Variants in IFT81 observed in about 807,000 individuals in gnomAD.
IFT81 encodes intraflagellar transport 81.
IFT81 carries 72 observed loss-of-function variants against 102.6 expected under a neutral mutation model. That is an observed-to-expected ratio of 0.70 (90% confidence interval 0.58 to 0.85). The LOEUF is 0.85. IFT81 is among the 40% of genes least tolerant of loss of function. IFT81 has a pLI of 0.00. For synonymous variants in IFT81, 237 were observed against 242.7 expected, an observed-to-expected ratio of 0.98 and a Z score of 0.22; for missense variants, 723 against 787.3, an observed-to-expected ratio of 0.92 and a Z score of 0.98.
rs1416000325 is a variant in IFT81, at chr12:110,218,765, G to T, written c.*539G>T. ...TATCATTTAAAGGCAAATAAACTTG[G>T]TACGTATTTCATATCTATTTAAAAA... is the stretch of plus-strand genomic sequence containing the variant. On this transcript the variant is annotated 3_prime_UTR_variant, in exon 19 of 19. Transcript: ENST00000242591. 6.6e-6 allele frequency: 1 copy of T among 152,124 alleles called. No homozygotes were observed. The highest frequency in any genetic ancestry group is 1.5e-5 in the Non-Finnish European group (1 of 68,022). The allele number at this position is 152,124 out of a possible 1,614,324, so 9.4% of individuals were successfully genotyped here.
chr12:110,208,505 C>T (rs1488779316), intron 17 of IFT81, among the ~76,000 whole-genome samples: 1 of 149,960 alleles, frequency 6.7e-6, no homozygotes, highest in Non-Finnish European at 1.5e-5. Context: ...GACCTTGTCT[C>T]AAAGGAAAAA....
intron 17 of IFT81, among the ~76,000 whole-genome samples, chr12:110,206,511 T>C (rs1214918322): frequency 2.0e-5 from 3 of 152,026 alleles, no homozygotes; most frequent in East Asian, 3.8e-4. Context: ...GGCATGTACA[T>C]TAATGTTATA....
At chr12:110,205,542 C>A in intron 16 of IFT81, 28 bp downstream of exon 16, 1 of 1,584,966 alleles carries the variant, frequency 6.3e-7, no homozygotes. Context: ...AAAAACATTT[C>A]TGAGTTTTTT....
intron 18 of IFT81, among the ~76,000 whole-genome samples, 172 bp from the exon 19 acceptor site, chr12:110,217,872 G>A (rs552204330): frequency 8.1e-4 from 123 of 152,114 alleles, no homozygotes; most frequent in African/African-American, 2.8e-3. Context: ...GAGCCACCTC[G>A]TCTGGCCTTA....
chr12:110,198,527 A>G (rs1898117923), intron 14 of IFT81, among the ~76,000 whole-genome samples: 1 of 152,118 alleles, frequency 6.6e-6, no homozygotes, highest in African/African-American at 2.4e-5. Context: ...AAAAGTCTAC[A>G]TAATACTTTC....
intron 14 of IFT81, among the ~76,000 whole-genome samples, chr12:110,195,808 C>A (rs1244823696): frequency 2.0e-5 from 3 of 152,152 alleles, no homozygotes; most frequent in South Asian, 2.1e-4. Flanking sequence ...CTTGCATGTT[C>A]TAGTTTATTG....
rs538534784 is a variant in IFT81, at chr12:110,216,396, T to A, written c.1849-1648T>A. 16 of 412,836 alleles carry A rather than the reference T, an allele frequency of 3.9e-5. No individual in the cohort carries two copies. In the East Asian group the frequency reaches 1.1e-3, roughly 29 times the overall value. 25.6% of individuals were successfully genotyped at this position (412,836 alleles called of 1,614,324 possible). A position where few individuals can be genotyped will look rare whatever the true frequency, so the allele number is the denominator to read the frequency against. On this transcript the variant is annotated intron_variant, in intron 18 of 18. Coordinates refer to ENST00000242591, the MANE Select transcript of IFT81 (RefSeq NM_014055.4). ...TTATTTTTGTAGAGACAGAGTATCA[T>A]GTTACCCAGGCAGGCCTTGAACTCC...
At chr12:110,184,935 A>G (rs1212732390) in intron 12 of IFT81, among the ~76,000 whole-genome samples, 1 of 151,824 alleles carries the variant, frequency 6.6e-6, no homozygotes, top group Admixed American at 6.6e-5. Context: ...CTCTCAGCCA[A>G]CTCTCTTGAA....
intron 17 of IFT81, among the ~76,000 whole-genome samples, chr12:110,206,411 A>G (rs1041629067): frequency 2.6e-5 from 4 of 152,244 alleles, no homozygotes; most frequent in Admixed American, 2.0e-4. Flanking sequence ...TCACAATTCA[A>G]ATATTAAATG....
intron 11 of IFT81, among the ~76,000 whole-genome samples, chr12:110,172,423 C>T (rs1896784426): frequency 6.6e-6 from 1 of 152,120 alleles, no homozygotes; most frequent in Non-Finnish European, 1.5e-5. Context: ...TCCACGGTCT[C>T]CCTCTGATGC....
chr12:110,126,574 A>G (rs1208991364), intron 1 of IFT81, among the ~76,000 whole-genome samples: 1 of 152,140 alleles, frequency 6.6e-6, no homozygotes, highest in Non-Finnish European at 1.5e-5. Flanking sequence ...CAATAGGCTG[A>G]AGTTTGAAGG....
chr12:110,154,396 T>C (rs1895722378), intron 10 of IFT81, among the ~76,000 whole-genome samples: 1 of 151,158 alleles, frequency 6.6e-6, no homozygotes, highest in South Asian at 2.1e-4. Context: ...TTTGGGAGGC[T>C]GAGGCAGGCA....
chr12:110,136,640 G>A (rs568642231), intron 7 of IFT81, 136 bp from the exon 8 acceptor site: 2 of 433,274 alleles, frequency 4.6e-6, no homozygotes, highest in South Asian at 8.6e-5. Context: ...TTTAATATGG[G>A]AATTTTCCGA....
chr12:110,140,091 T>A (rs1471609733), intron 8 of IFT81, among the ~76,000 whole-genome samples: 1 of 151,836 alleles, frequency 6.6e-6, no homozygotes, highest in African/African-American at 2.4e-5. Flanking sequence ...AGCACATATT[T>A]AAAATGTATT....
chr12:110,136,843 C>T lies in IFT81; in HGVS notation c.764C>T (p.Ala255Val). ...CTGAAAAGCATGCGCCAAGCTGCAG[C>T]AGATGCAAAGCCTGAAAGTAAGTGG... ...NQLKSMRQAAADAKPESLMKR... is the reference protein window; with the variant it reads ...NQLKSMRQAAVDAKPESLMKR... The change falls in exon 8 of 19, where the codon GCA (alanine) becomes GTA (valine). Residue 255 changes from alanine to valine, a missense_variant. Physicochemically the swap from Ala to Val is moderately conservative, Grantham distance 64. Transcript: ENST00000242591. 2 of 1,609,380 alleles carry T rather than the reference C, an allele frequency of 1.2e-6. No individual in the cohort carries two copies. Among genetic ancestry groups the T allele is most frequent in the Non-Finnish European group, 1.7e-6 (2 of 1,176,220 alleles).
At chr12:110,139,866 T>TAAATAAAATAAAATAAAATATAAAATAAA (rs1477964163) in intron 8 of IFT81, among the ~76,000 whole-genome samples, 203 of 129,902 alleles carry the variant, frequency 1.6e-3, no homozygotes, top group African/African-American at 5.7e-3. Flanking sequence ...TAAAATAAAA[T>TAAATAAAATAAAATAAAATATAAAATAAA]ATAAAATAAA....
intron 11 of IFT81, among the ~76,000 whole-genome samples, chr12:110,164,079 T>C (rs565483095): frequency 2.0e-5 from 3 of 152,308 alleles, no homozygotes; most frequent in South Asian, 4.1e-4. Flanking sequence ...TTAAGTTATT[T>C]TGTCAGTAAT....
At chr12:110,139,352 AAAAG>A (rs1226682320) in intron 8 of IFT81, among the ~76,000 whole-genome samples, 1 of 150,582 alleles carries the variant, frequency 6.6e-6, no homozygotes, top group East Asian at 1.9e-4. Flanking sequence ...AAAAAAAAAA[AAAAG>A]AAAAGGAAAA....
At chr12:110,144,561 A>G (rs377349064) in intron 9 of IFT81, among the ~76,000 whole-genome samples, 2 of 150,328 alleles carry the variant, frequency 1.3e-5, no homozygotes. Flanking sequence ...CCTAGACTGG[A>G]GTGCAGTGGT....
Sources: allele counts gnomAD v4.1 joint callset (sites outside exome capture counted in the v4.1 genomes callset), GRCh38; gene constraint gnomAD v4.1.1; transcripts MANE v1.5; gene names NCBI Gene and HGNC (gene_info 2026-07-23, HGNC 2026-07-21).